The following CDH8 variants were observed in gnomAD, a reference collection of about 807,000 sequenced individuals.
CDH8 encodes cadherin-8.
Under a neutral mutation model 68.1 loss-of-function variants are expected in CDH8, and 17 were observed. That is an observed-to-expected ratio of 0.25 (90% CI 0.17 to 0.37). CDH8 has a LOEUF of 0.37. CDH8 is among the 10% of genes least tolerant of loss of function. The probability of loss-of-function intolerance (pLI) is 1.00; values close to 1 mark genes in which losing one functional copy is unlikely to be tolerated. For synonymous variants in CDH8, 372 were observed against 365.1 expected, an observed-to-expected ratio of 1.02 and a Z score of -0.21; for missense variants, 763 against 999.3, an observed-to-expected ratio of 0.76 and a Z score of 3.19.
At chr16:61,661,878 A>C (rs1371861441) in intron 10 of CDH8, among the ~76,000 whole-genome samples, 2 of 151,740 alleles carry the variant, frequency 1.3e-5, no homozygotes, top group African/African-American at 4.8e-5. Context: ...TTTTTAAAAA[A>C]AATCTTAGTA....
intron 10 of CDH8, among the ~76,000 whole-genome samples, chr16:61,657,482 G>C (rs2142744755): frequency 6.6e-6 from 1 of 152,144 alleles, no homozygotes; most frequent in South Asian, 2.1e-4. Context: ...ATTTCTAATG[G>C]AGTTAAGCAG....
At chr16:61,856,633 T>C (rs1963052731) in intron 4 of CDH8, among the ~76,000 whole-genome samples, 1 of 152,136 alleles carries the variant, frequency 6.6e-6, no homozygotes, top group Non-Finnish European at 1.5e-5. Flanking sequence ...TAGTAGCAAA[T>C]GTAATAATAT....
intron 8 of CDH8, 61 bp downstream of exon 8, chr16:61,789,285 T>G: frequency 6.9e-7 from 1 of 1,457,836 alleles, no homozygotes; most frequent in Non-Finnish European, 9.4e-7. Context: ...TATCACGTTA[T>G]TAATAAGCAT....
chr16:61,923,316 T>C (rs1276266132), intron 2 of CDH8, among the ~76,000 whole-genome samples: 1 of 152,180 alleles, frequency 6.6e-6, no homozygotes, highest in East Asian at 1.9e-4. Context: ...ATAAGTATTT[T>C]ATTGTATAAA....
At chr16:62,020,761 T>C (rs1397132) in intron 2 of CDH8, among the ~76,000 whole-genome samples, 76,364 of 152,024 alleles carry the variant, frequency 0.5, 20,368 homozygotes, top group East Asian at 0.71. Flanking sequence ...TAAAACAAAA[T>C]AAACTCTCAG....
At chr16:61,700,354 C>T (rs1596878979) in intron 10 of CDH8, among the ~76,000 whole-genome samples, 3 of 150,994 alleles carry the variant, frequency 2.0e-5, no homozygotes. Context: ...GCTCTTGGCT[C>T]ACTGCAACTT....
intron 2 of CDH8, among the ~76,000 whole-genome samples, chr16:61,927,571 T>G (rs1021079211): frequency 3.9e-5 from 6 of 152,212 alleles, no homozygotes; most frequent in African/African-American, 1.4e-4. Context: ...ACTTAATATT[T>G]CCACATAAAA....
intron 10 of CDH8, among the ~76,000 whole-genome samples, chr16:61,662,356 A>G (rs1166912445): frequency 6.6e-6 from 1 of 151,624 alleles, no homozygotes; most frequent in African/African-American, 2.4e-5. Context: ...TATCTTTTTG[A>G]GCAGAGTAAA....
intron 2 of CDH8, among the ~76,000 whole-genome samples, chr16:62,019,302 A>G (rs567878272): frequency 2.0e-5 from 3 of 152,360 alleles, no homozygotes; most frequent in Admixed American, 1.3e-4. Flanking sequence ...GTAATAAGGT[A>G]TAGTGGGTGA....
intron 10 of CDH8, among the ~76,000 whole-genome samples, chr16:61,673,668 T>C (rs35153042): frequency 6.6e-5 from 10 of 152,112 alleles, no homozygotes; most frequent in Non-Finnish European, 1.2e-4. Flanking sequence ...TGGAAGAAAT[T>C]TGAGGCACAT....
chr16:61,690,086 C>T (rs1482437656), intron 10 of CDH8, among the ~76,000 whole-genome samples: 1 of 151,974 alleles, frequency 6.6e-6, no homozygotes, highest in Non-Finnish European at 1.5e-5. Flanking sequence ...GTGTGTTGAA[C>T]ATATGTTGAA....
At chr16:61,957,800 C>T (rs74350953) in intron 2 of CDH8, among the ~76,000 whole-genome samples, 10,365 of 151,946 alleles carry the variant, frequency 0.068, 391 homozygotes, top group East Asian at 0.12. Context: ...AATGTAATCC[C>T]GCCTCTGCTG....
chr16:61,878,909 T>A (rs1029930825), intron 3 of CDH8, among the ~76,000 whole-genome samples: 1 of 152,138 alleles, frequency 6.6e-6, no homozygotes, highest in Non-Finnish European at 1.5e-5. Flanking sequence ...CTGCCCCACG[T>A]GAGTTTCCAT....
intron 3 of CDH8, among the ~76,000 whole-genome samples, chr16:61,873,139 G>T (rs1406125124): frequency 1.3e-5 from 2 of 152,198 alleles, no homozygotes; most frequent in African/African-American, 4.8e-5. Context: ...TTGTGTGAAT[G>T]TGTGTTCGTA....
At chr16:61,947,556 A>G (rs1455882921) in intron 2 of CDH8, among the ~76,000 whole-genome samples, 1 of 152,200 alleles carries the variant, frequency 6.6e-6, no homozygotes, top group Non-Finnish European at 1.5e-5. Context: ...AAAGTAAAAT[A>G]GAGCAGAATT....
intron 7 of CDH8, among the ~76,000 whole-genome samples, chr16:61,807,451 A>G (rs1198718457): frequency 2.6e-5 from 4 of 152,096 alleles, no homozygotes; most frequent in African/African-American, 9.7e-5. Context: ...CAATGTGCAC[A>G]TGTACCCTAA....
At chr16:61,663,266 A>T in intron 10 of CDH8, among the ~76,000 whole-genome samples, 1 of 152,044 alleles carries the variant, frequency 6.6e-6, no homozygotes, top group East Asian at 1.9e-4. Flanking sequence ...ACTTTTATTC[A>T]GATTATGATA....
intron 2 of CDH8, among the ~76,000 whole-genome samples, chr16:61,991,165 G>A (rs868530391): frequency 2.6e-5 from 4 of 152,122 alleles, no homozygotes; most frequent in Non-Finnish European, 5.9e-5. Flanking sequence ...AACTTGGCAC[G>A]TTTGGGAATC....
intron 2 of CDH8, among the ~76,000 whole-genome samples, chr16:61,960,032 ACACAC>A (rs1459651038): frequency 7.7e-6 from 1 of 129,092 alleles, no homozygotes; most frequent in Non-Finnish European, 1.6e-5. Flanking sequence ...ATACACACAC[ACACAC>A]AACATATATG....
Sources: gnomAD v4.1 joint callset for allele counts (sites outside exome capture counted in the v4.1 genomes callset) on GRCh38, gnomAD v4.1.1 for gene constraint, MANE v1.5 for transcripts, NCBI Gene and HGNC (gene_info 2026-07-23, HGNC 2026-07-21) for gene names.